NUP35: variants seen among roughly 807,000 people sequenced by gnomAD.
The protein encoded by NUP35 is nucleoporin 35.
In NUP35, 25 loss-of-function variants were observed where a neutral mutation model predicts 41.5. That is an observed-to-expected ratio of 0.60 (90% CI 0.44 to 0.84). The LOEUF is 0.84. Ranked by LOEUF, NUP35 falls within the 40% of genes least tolerant of loss-of-function variation. The probability of loss-of-function intolerance (pLI) is 0.00; values close to 1 mark genes in which losing one functional copy is unlikely to be tolerated. For missense variants in NUP35, 396 were observed against 396.6 expected, an observed-to-expected ratio of 1.00 and a Z score of 0.01; for synonymous variants, 149 against 130.7, an observed-to-expected ratio of 1.14 and a Z score of -0.96.
chr2:183,131,089 C>G, intron 3 of NUP35: 1 of 408,554 alleles, frequency 2.4e-6, no homozygotes, highest in South Asian at 1.8e-5. Flanking sequence ...AACCAATCCT[C>G]CTGCCTCAAC....
At chr2:183,161,026 CG>C in intron 8 of NUP35, 27 bp from the exon 9 acceptor site, 3 of 1,569,766 alleles carry the variant, frequency 1.9e-6, no homozygotes, top group Non-Finnish European at 2.6e-6. Context: ...ATAACCTAAC[CG>C]TTTTTTTTGT....
At chr2:183,157,411 C>T in intron 5 of NUP35, 33 bp from the exon 6 acceptor site, 1 of 1,480,642 alleles carries the variant, frequency 6.8e-7, no homozygotes, top group Non-Finnish European at 9.4e-7. Context: ...ATAGTAGAAG[C>T]TGACGTTTTC....
intron 5 of NUP35, among the ~76,000 whole-genome samples, chr2:183,153,182 A>G (rs1234267391): frequency 6.6e-6 from 1 of 152,154 alleles, no homozygotes; most frequent in Non-Finnish European, 1.5e-5. Flanking sequence ...CCCACAACAC[A>G]TGGGAATTCC....
At chr2:183,124,303 T>G, upstream of NUP35, 1 of 1,497,052 alleles carries the variant, frequency 6.7e-7, no homozygotes, top group South Asian at 1.3e-5. Flanking sequence ...TTTGCCCTAT[T>G]CCAAAATGGC....
chr2:183,134,033 C>T (rs1246400568), intron 4 of NUP35, among the ~76,000 whole-genome samples: 1 of 152,114 alleles, frequency 6.6e-6, no homozygotes, highest in African/African-American at 2.4e-5. Context: ...AGTTAAGACA[C>T]TGAATAATAA....
At chr2:183,141,307 G>A (rs1685088829) in intron 4 of NUP35, among the ~76,000 whole-genome samples, 1 of 152,136 alleles carries the variant, frequency 6.6e-6, no homozygotes, top group South Asian at 2.1e-4. Flanking sequence ...CTCCCCATCT[G>A]AGGATCTGTA....
chr2:183,138,173 A>G (rs999809606), intron 4 of NUP35, among the ~76,000 whole-genome samples: 27 of 150,872 alleles, frequency 1.8e-4, no homozygotes, highest in South Asian at 1.3e-3. Context: ...TGCATGGCCA[A>G]TGATAGGCAA....
chr2:183,131,959 G>A (rs1202045645), intron 3 of NUP35, among the ~76,000 whole-genome samples: 1 of 152,106 alleles, frequency 6.6e-6, no homozygotes, highest in African/African-American at 2.4e-5. Context: ...GTTGGTGCAT[G>A]CCTGTAATCC....
In NUP35 at chr2:183,151,605, G is replaced by T. The variant is rs1685471940; in HGVS notation, c.495G>T (p.Leu165Phe). ...LDPFYTQGDS[L>F]TSEDHLDDSW... Reference sequence around the variant, plus strand: ...CTTTTTATACTCAAGGAGATTCTTTGACTTCAGAAGATCACCTCGATGACT... The same window carrying T: ...CTTTTTATACTCAAGGAGATTCTTTTACTTCAGAAGATCACCTCGATGACT... Residue 165 changes from leucine (L) to phenylalanine (F), a missense_variant, in exon 5 of 9, where the codon TTG becomes TTT. Leu to Phe is a conservative substitution (Grantham distance 22). Coordinates refer to ENST00000295119, the MANE Select transcript of NUP35 (RefSeq NM_138285.5). 6.2e-7 allele frequency: 1 copy of T among 1,613,838 alleles called. No homozygotes were observed. The highest frequency in any genetic ancestry group is 1.3e-5 in the African/African-American group (1 of 74,902).
At chr2:183,146,142 A>C (rs138674446) in intron 4 of NUP35, among the ~76,000 whole-genome samples, 4,557 of 152,324 alleles carry the variant, frequency 0.03, 89 homozygotes, top group Non-Finnish European at 0.043. Context: ...AAGCTGAGAC[A>C]GGAGAAACGC....
rs538467937 is a variant in NUP35 at position 183,143,528 on chromosome 2, A to G, written c.398-7980A>G. 1.6e-4 allele frequency among the ~76,000 whole-genome samples: 24 copies of G among 152,264 alleles called. 1 individual carries two copies. In the South Asian group the frequency reaches 4.6e-3, roughly 29 times the overall value. On this transcript the variant is annotated intron_variant, in intron 4 of 8. Coordinates refer to ENST00000295119, the MANE Select transcript of NUP35 (RefSeq NM_138285.5). ...TGGGCAGGGGCAAATCTCCTTTTCAATGTGCAGATTTTCACTTAATCTCCT... is the reference window on the plus strand; with the variant it reads ...TGGGCAGGGGCAAATCTCCTTTTCAGTGTGCAGATTTTCACTTAATCTCCT...
At chr2:183,140,882 T>C (rs532992747) in intron 4 of NUP35, among the ~76,000 whole-genome samples, 1 of 151,994 alleles carries the variant, frequency 6.6e-6, no homozygotes, top group Non-Finnish European at 1.5e-5. Context: ...TGCAATGATC[T>C]TTAACCTTAT....
rs778843844 is a variant in NUP35 at position 183,151,625 on chromosome 2, A to G, written c.515A>G (p.Asp172Gly). ...GDSLTSEDHLDDSWVTVFGFP... is the reference protein window; with the variant it reads ...GDSLTSEDHLGDSWVTVFGFP... ...TCTTTGACTTCAGAAGATCACCTCG[A>G]TGACTCTTGGGTGACTGTATTTGGG... Residue 172 changes from aspartate (D) to glycine (G), a missense_variant, in exon 5 of 9, where the codon GAT (aspartate) becomes GGT (glycine). By Grantham distance (94) the Asp-to-Gly change is moderately conservative. Transcript: ENST00000295119. 9 of 1,614,002 alleles carry G rather than the reference A, an allele frequency of 5.6e-6. No individual in the cohort carries two copies. The highest frequency in any genetic ancestry group is 1.3e-5 in the African/African-American group (1 of 75,040).
chr2:183,140,531 C>G (rs114400051), intron 4 of NUP35, among the ~76,000 whole-genome samples: 1 of 152,026 alleles, frequency 6.6e-6, no homozygotes, highest in Admixed American at 6.5e-5. Context: ...ATAATAAATT[C>G]AGATGGTTTT....
chr2:183,131,028 C>A, intron 3 of NUP35: 3 of 652,604 alleles, frequency 4.6e-6, no homozygotes, highest in East Asian at 6.6e-5. Context: ...GTTGCCCAGG[C>A]TAGAGTGCAG....
chr2:183,159,427 G>T, intron 7 of NUP35, 61 bp from the exon 8 acceptor site: 1 of 1,260,350 alleles, frequency 7.9e-7, no homozygotes, highest in Non-Finnish European at 1.1e-6. Flanking sequence ...TAAGTAGGAT[G>T]TAATACTGGA....
intron 8 of NUP35, 103 bp downstream of exon 8, chr2:183,159,755 G>C: frequency 1.1e-6 from 1 of 906,824 alleles, no homozygotes; most frequent in Non-Finnish European, 1.7e-6. Flanking sequence ...AATGTTTCCT[G>C]TGGAGGCTAT....
In NUP35 at chr2:183,149,674, TTG is replaced by T. The variant is rs1448285825; in HGVS notation, c.398-1832_398-1831del. Among the ~76,000 whole-genome samples the T allele has an allele frequency of 7.2e-5, 11 of 152,276 alleles. No individual in the cohort carries two copies. In the East Asian group the frequency reaches 1.7e-3, roughly 24 times the overall value. ...GGAGCCAAGAATCTCCAGACCACAC[TTG>T]TAGTACTGCCACAGGAAATAAACAT... On this transcript the variant is annotated intron_variant, in intron 4 of 8. Transcript: ENST00000295119.
chr2:183,158,795 A>G (rs1414253078), intron 7 of NUP35, among the ~76,000 whole-genome samples: 2 of 152,192 alleles, frequency 1.3e-5, no homozygotes, highest in Admixed American at 6.5e-5. Flanking sequence ...GAATTAGTTC[A>G]TATTAACATT....
Sources: allele counts gnomAD v4.1 joint callset (sites outside exome capture counted in the v4.1 genomes callset), GRCh38; gene constraint gnomAD v4.1.1; transcripts MANE v1.5; gene names NCBI Gene and HGNC (gene_info 2026-07-23, HGNC 2026-07-21).